Variants in LY75 observed in about 807,000 individuals in gnomAD.
LY75 encodes the protein C-type lectin domain family 13 member B.
A neutral mutation model predicts 231.7 loss-of-function variants in LY75; 185 were observed. The ratio of observed to expected loss-of-function variants is 0.80; its 90% CI spans 0.71 to 0.90. LY75 has a LOEUF of 0.90. Among genes scored for constraint, LY75 ranks in the 40% least tolerant of loss-of-function variants. The probability of loss-of-function intolerance (pLI) is 0.00; values close to 1 mark genes in which losing one functional copy is unlikely to be tolerated. For synonymous variants in LY75, 668 were observed against 689.0 expected, an observed-to-expected ratio of 0.97 and a Z score of 0.48; for missense variants, 1,947 against 2,050.2, an observed-to-expected ratio of 0.95 and a Z score of 0.97.
intron 13 of LY75, among the ~76,000 whole-genome samples, chr2:159,866,788 G>A (rs113346337): frequency 2.6e-4 from 40 of 152,220 alleles, no homozygotes; most frequent in African/African-American, 8.9e-4. Context: ...TGGGGAATTC[G>A]TGTAGAATTT....
At chr2:159,888,035 A>G (rs1685645804) in intron 4 of LY75, among the ~76,000 whole-genome samples, 1 of 152,110 alleles carries the variant, frequency 6.6e-6, no homozygotes, top group African/African-American at 2.4e-5. Flanking sequence ...ACACTAGCTC[A>G]TTTGGCTTAT....
In LY75 at chr2:159,834,194, C is replaced by T. The variant is rs148201491; in HGVS notation, c.3691G>A (p.Val1231Ile). ...CATTTAACACTGTCAACTGGTTTGA[C>T]CTCTTTTTCAGTCTCATCTAGAAAA... ...YYSGNETEKE[V>I]KPVDSVKCPS... Residue 1231 changes from valine to isoleucine, a missense_variant, in exon 27 of 35, where the codon GTC becomes ATC. Val to Ile is a conservative substitution (Grantham distance 29). Coordinates refer to ENST00000263636, the MANE Select transcript of LY75 (RefSeq NM_002349.4). 10 of 1,613,494 alleles carry T rather than the reference C, an allele frequency of 6.2e-6. No homozygotes were observed. The African/African-American group carries it at 1.1e-4, about 17-fold the overall frequency.
At chr2:159,869,943 T>TC (rs1684960785) in intron 13 of LY75, among the ~76,000 whole-genome samples, 1 of 152,194 alleles carries the variant, frequency 6.6e-6, no homozygotes, top group African/African-American at 2.4e-5. Flanking sequence ...AGTTAGTATT[T>TC]AGTATATACA....
intron 18 of LY75, 33 bp from the exon 19 acceptor site, chr2:159,853,730 G>T: frequency 6.2e-7 from 1 of 1,612,296 alleles, no homozygotes. Context: ...ATCCTTATAT[G>T]TGCTGAGCTT....
At chr2:159,880,757 G>C (rs533387718) in intron 8 of LY75, among the ~76,000 whole-genome samples, 1 of 152,262 alleles carries the variant, frequency 6.6e-6, no homozygotes, top group South Asian at 2.1e-4. Context: ...GGATAGTTTT[G>C]GGATGAAACT....
intron 5 of LY75, among the ~76,000 whole-genome samples, 167 bp downstream of exon 5, chr2:159,886,253 T>C (rs1685579864): frequency 6.6e-6 from 1 of 152,198 alleles, no homozygotes. Context: ...AGCTTGGCAA[T>C]AACAGTACCA....
rs763705556 is a variant in LY75, at chr2:159,816,796, C to A, written c.4380+10G>T. The A allele has an allele frequency of 5.6e-6, 9 of 1,609,098 alleles. No homozygotes were observed. Among genetic ancestry groups the A allele is most frequent in the Non-Finnish European group, 7.6e-6 (9 of 1,177,118 alleles). ...TTTGAAAAGTTTCTGGAAAACGAAGCAAGACTTACATCATGACTTGAGAGC... is the reference window on the plus strand; with the variant it reads ...TTTGAAAAGTTTCTGGAAAACGAAGAAAGACTTACATCATGACTTGAGAGC... On this transcript the variant is annotated intron_variant, in intron 30 of 34. Transcript: ENST00000263636.
chr2:159,872,730 A>G (rs1234356436), intron 12 of LY75, 137 bp from the exon 13 acceptor site: 3 of 897,952 alleles, frequency 3.3e-6, no homozygotes, highest in Admixed American at 2.7e-5. Flanking sequence ...GTAAATGCAC[A>G]TATACTGAGA....
chr2:159,904,534 G>C, intron 1 of LY75, 55 bp downstream of exon 1: 1 of 1,482,938 alleles, frequency 6.7e-7, no homozygotes, highest in Non-Finnish European at 8.9e-7. Context: ...GAAGGCAGCA[G>C]AGCTGTGGCG....
Position 159,850,480 on chromosome 2 carries a change from A to G in LY75, c.2884-13T>C, listed in dbSNP as rs1292412249. Reference sequence around the variant, plus strand: ...TCTTTAGAAAACACTGCAAACAAAGACATATGTGAAGCATGAGATTCCAGA... The same window carrying G: ...TCTTTAGAAAACACTGCAAACAAAGGCATATGTGAAGCATGAGATTCCAGA... On this transcript the variant is annotated splice_polypyrimidine_tract_variant and intron_variant, in intron 21 of 34. Coordinates refer to ENST00000263636, the MANE Select transcript of LY75 (RefSeq NM_002349.4). The G allele has an allele frequency of 3.1e-6, 5 of 1,612,926 alleles. No individual in the cohort carries two copies. The highest frequency in any genetic ancestry group is 1.7e-5 in the Admixed American group (1 of 59,938).
intron 26 of LY75, among the ~76,000 whole-genome samples, chr2:159,834,799 G>C (rs1683771509): frequency 1.3e-5 from 2 of 152,274 alleles, no homozygotes; most frequent in Middle Eastern, 6.8e-3. Flanking sequence ...ACATTAAACT[G>C]ATTTAATATG....
intron 18 of LY75, 121 bp downstream of exon 18, chr2:159,854,239 G>T: frequency 2.9e-6 from 2 of 688,586 alleles, no homozygotes; most frequent in Non-Finnish European, 4.1e-6. Flanking sequence ...ATGCTGTGAG[G>T]CAGATTTTAC....
In LY75 at chr2:159,804,577, T is replaced by G. The variant is rs1560057363; in HGVS notation, c.*467A>C. On this transcript the variant is annotated 3_prime_UTR_variant, in exon 35 of 35. Transcript: ENST00000263636. ...GTTTATTTTTCCCCAGTGCTAAAAA[T>G]GACTATTTTGAAACAATGCTGATAG... 1 of 152,910 alleles carries G rather than the reference T, an allele frequency of 6.5e-6. No homozygotes were observed. The highest frequency in any genetic ancestry group is 1.5e-5 in the Non-Finnish European group (1 of 68,264). 9.5% of individuals were successfully genotyped at this position (152,910 alleles called of 1,614,324 possible).
rs78446341 is a variant in LY75 at position 159,834,145 on chromosome 2, G to A, written c.3740C>T (p.Pro1247Leu). The change falls in exon 27 of 35, where the codon CCG (proline) becomes CTG (leucine). Residue 1247 changes from proline to leucine, a missense_variant. Coordinates refer to ENST00000263636, the MANE Select transcript of LY75 (RefSeq NM_002349.4). ...GCAACAGTTCTGAAATGGTATCCAC[G>A]GAGTATTTAGAACAGGAGATGGACA... ...VKCPSPVLNT[P>L]WIPFQNCCYN... The A allele has an allele frequency of 0.022, 35,266 of 1,613,928 alleles. 507 individuals are homozygous for A. The highest frequency in any genetic ancestry group is 0.046 in the South Asian group (4,145 of 91,060).
intron 21 of LY75, among the ~76,000 whole-genome samples, chr2:159,850,997 G>A (rs1684386520): frequency 6.6e-6 from 1 of 151,312 alleles, no homozygotes; most frequent in Non-Finnish European, 1.5e-5. Flanking sequence ...TCATCCATAA[G>A]TGAAATAGCC....
At chr2:159,856,643 A>G (rs1684556443) in intron 16 of LY75, among the ~76,000 whole-genome samples, 1 of 152,174 alleles carries the variant, frequency 6.6e-6, no homozygotes, top group Non-Finnish European at 1.5e-5. Flanking sequence ...GATTTCTTCA[A>G]GTGATTGGGA....
At chr2:159,896,410 C>G (rs1363971562) in intron 2 of LY75, among the ~76,000 whole-genome samples, 1 of 152,172 alleles carries the variant, frequency 6.6e-6, no homozygotes, top group South Asian at 2.1e-4. Flanking sequence ...CAAGTGAAAA[C>G]TTGGTTTATA....
chr2:159,895,407 C>A (rs1175201297), intron 2 of LY75, among the ~76,000 whole-genome samples: 1 of 152,190 alleles, frequency 6.6e-6, no homozygotes, highest in Non-Finnish European at 1.5e-5. Context: ...TGACCAGTTT[C>A]TTTTCCCATA....
chr2:159,819,811 G>C lies in LY75; in HGVS notation c.4068C>G (p.Gly1356=). 2 of 1,614,102 alleles carry C rather than the reference G, an allele frequency of 1.2e-6. No homozygotes were observed. Among genetic ancestry groups the C allele is most frequent in the Non-Finnish European group, 1.7e-6 (2 of 1,179,998 alleles). Residue 1356 remains glycine, a synonymous_variant, in exon 29 of 35, where the codon GGC becomes GGG. Coordinates refer to ENST00000263636, the MANE Select transcript of LY75 (RefSeq NM_002349.4). ...EKFLAGLSTD[G]FWDIQTFKVI... ...CTTTAAAGGTTTGAATATCCCAGAA[G>C]CCGTCAGTACTTAAACCAGCCAAAA...
Sources: gnomAD v4.1 joint callset for allele counts (sites outside exome capture counted in the v4.1 genomes callset) on GRCh38, gnomAD v4.1.1 for gene constraint, MANE v1.5 for transcripts, NCBI Gene and HGNC (gene_info 2026-07-23, HGNC 2026-07-21) for gene names.